NLGN1: variants seen among roughly 807,000 people sequenced by gnomAD.
The protein encoded by NLGN1 is neuroligin 1.
In NLGN1, 12 loss-of-function variants were observed where a neutral mutation model predicts 65.5. The observed-to-expected ratio is 0.18, with a 90% CI of 0.12 to 0.30. NLGN1 has a LOEUF of 0.30. NLGN1 is among the 10% of genes least tolerant of loss of function. The probability of loss-of-function intolerance (pLI) is 1.00; values close to 1 mark genes in which losing one functional copy is unlikely to be tolerated. For synonymous variants in NLGN1, 350 were observed against 359.5 expected, an observed-to-expected ratio of 0.97 and a Z score of 0.30; for missense variants, 750 against 1,007.1, an observed-to-expected ratio of 0.74 and a Z score of 3.46.
chr3:173,692,445 G>A (rs1166131855), intron 3 of NLGN1, among the ~76,000 whole-genome samples: 2 of 151,978 alleles, frequency 1.3e-5, no homozygotes, highest in South Asian at 2.1e-4. Flanking sequence ...ATGTGACCGC[G>A]ATATAATAAA....
At chr3:173,741,915 A>G (rs1032776151) in intron 3 of NLGN1, among the ~76,000 whole-genome samples, 7 of 152,144 alleles carry the variant, frequency 4.6e-5, no homozygotes, top group Admixed American at 1.3e-4. Flanking sequence ...GTGTTCATAC[A>G]CTGCGTCCCC....
chr3:173,789,616 G>C (rs1053868898), intron 3 of NLGN1, among the ~76,000 whole-genome samples: 1 of 152,142 alleles, frequency 6.6e-6, no homozygotes, highest in Non-Finnish European at 1.5e-5. Context: ...AGAACCCAAG[G>C]CTTCTGTTAA....
At chr3:173,886,981 A>G (rs1734459751) in intron 4 of NLGN1, among the ~76,000 whole-genome samples, 1 of 152,080 alleles carries the variant, frequency 6.6e-6, no homozygotes, top group Non-Finnish European at 1.5e-5. Flanking sequence ...CAGAGACAAA[A>G]TATCTCTACA....
At chr3:173,608,036 C>G (rs926391525) in intron 3 of NLGN1, among the ~76,000 whole-genome samples, 33 of 151,752 alleles carry the variant, frequency 2.2e-4, no homozygotes, top group Middle Eastern at 3.2e-3. Context: ...CAAGTCAGTC[C>G]TCTTCCCATA....
intron 4 of NLGN1, among the ~76,000 whole-genome samples, chr3:174,272,528 A>G (rs981827202): frequency 3.0e-4 from 46 of 151,840 alleles, no homozygotes; most frequent in Non-Finnish European, 8.9e-5. Context: ...GTCTGAAGAC[A>G]TGTTATTTGC....
intron 3 of NLGN1, among the ~76,000 whole-genome samples, chr3:173,749,748 T>G (rs138141008): frequency 6.9e-4 from 105 of 152,240 alleles, no homozygotes; most frequent in Non-Finnish European, 1.0e-3. Flanking sequence ...TATAACCTAT[T>G]AAACATTACT....
rs182336854 is a variant in NLGN1, at chr3:173,415,394, A to G, written c.-390+16907A>G. ...CTGATCCTTATTTTTTAAGTTCTCA[A>G]CAAGCGGTTTAGCGGTATGAAGACA... is the stretch of plus-strand genomic sequence containing the variant. On this transcript the variant is annotated intron_variant, in intron 1 of 6. Coordinates refer to ENST00000457714, the Ensembl canonical transcript of NLGN1. Among the ~76,000 whole-genome samples, 161 of 152,334 alleles carry G rather than the reference A, an allele frequency of 1.1e-3. 1 individual carries two copies. Among genetic ancestry groups the G allele is most frequent in the African/African-American group, 3.5e-3 (147 of 41,576 alleles).
At chr3:173,694,970 G>T (rs1220451514) in intron 3 of NLGN1, among the ~76,000 whole-genome samples, 1 of 152,112 alleles carries the variant, frequency 6.6e-6, no homozygotes, top group Non-Finnish European at 1.5e-5. Flanking sequence ...AATAAATTCT[G>T]CATTTATCTT....
intron 4 of NLGN1, among the ~76,000 whole-genome samples, chr3:173,850,133 G>T (rs1726605821): frequency 6.6e-6 from 1 of 152,058 alleles, no homozygotes; most frequent in South Asian, 2.1e-4. Flanking sequence ...AAATAGTTTG[G>T]TGGACATCCT....
intron 1 of NLGN1, among the ~76,000 whole-genome samples, chr3:173,429,191 C>CT (rs1716734413): frequency 6.6e-6 from 1 of 151,858 alleles, no homozygotes; most frequent in African/African-American, 2.4e-5. Flanking sequence ...CTTTTTCATT[C>CT]TTTTTTTCTG....
intron 2 of NLGN1, among the ~76,000 whole-genome samples, chr3:173,456,791 T>C (rs1164197102): frequency 6.6e-6 from 1 of 152,088 alleles, no homozygotes; most frequent in Non-Finnish European, 1.5e-5. Flanking sequence ...GAGCAGTAGC[T>C]GTGAAAAAGA....
chr3:174,182,178 C>T (rs899564060), intron 4 of NLGN1, among the ~76,000 whole-genome samples: 4 of 152,092 alleles, frequency 2.6e-5, no homozygotes, highest in Non-Finnish European at 5.9e-5. Context: ...TTTCCACTTC[C>T]ATTTTATCTC....
chr3:174,227,126 G>T (rs1362671107), intron 4 of NLGN1, among the ~76,000 whole-genome samples: 1 of 152,116 alleles, frequency 6.6e-6, no homozygotes, highest in Non-Finnish European at 1.5e-5. Context: ...ATGGAGAAGA[G>T]AAATCATTGT....
intron 4 of NLGN1, among the ~76,000 whole-genome samples, chr3:174,272,692 T>TAGAC (rs367911787): frequency 0.11 from 16,326 of 149,598 alleles, 1,122 homozygotes; most frequent in Middle Eastern, 0.15. Context: ...GATAGATAGA[T>TAGAC]AGATAGATAG....
intron 4 of NLGN1, among the ~76,000 whole-genome samples, chr3:174,274,889 A>T (rs1577750541): frequency 6.6e-6 from 1 of 151,856 alleles, no homozygotes; most frequent in Non-Finnish European, 1.5e-5. Flanking sequence ...TCTGCCACAC[A>T]TACATACCTA....
At chr3:174,209,412 A>G (rs1736024430) in intron 4 of NLGN1, among the ~76,000 whole-genome samples, 1 of 152,160 alleles carries the variant, frequency 6.6e-6, no homozygotes, top group African/African-American at 2.4e-5. Context: ...ACTCGTTAGC[A>G]TAAAAATAAT....
chr3:173,925,723 A>G (rs1742879142), intron 4 of NLGN1, among the ~76,000 whole-genome samples: 1 of 152,238 alleles, frequency 6.6e-6, no homozygotes, highest in Non-Finnish European at 1.5e-5. Context: ...GTTGACAAAC[A>G]TATATGTAAG....
rs79724964 is a variant in NLGN1, at chr3:173,510,229, C to G, written c.-321+75151C>G. ...AGAGAAACTGAGACTCCAACTCTTT[C>G]TTTAAATTTGGTTCCCTTATTCAAT... On this transcript the variant is annotated intron_variant, in intron 2 of 6. Transcript: ENST00000457714. Among the ~76,000 whole-genome samples the G allele has an allele frequency of 3.2e-3, 480 of 152,284 alleles. 3 individuals are homozygous for G. Among genetic ancestry groups the G allele is most frequent in the African/African-American group, 0.011 (459 of 41,552 alleles).
chr3:174,074,495 G>A (rs1740514067), intron 4 of NLGN1, among the ~76,000 whole-genome samples: 1 of 152,112 alleles, frequency 6.6e-6, no homozygotes, highest in African/African-American at 2.4e-5. Context: ...AATTCTGGGT[G>A]ATTACTTATT....
Sources: allele counts gnomAD v4.1 joint callset (sites outside exome capture counted in the v4.1 genomes callset), GRCh38; gene constraint gnomAD v4.1.1; transcripts MANE v1.5; gene names NCBI Gene and HGNC (gene_info 2026-07-23, HGNC 2026-07-21).